NDE1: variants seen among roughly 807,000 people sequenced by gnomAD.
NDE1 encodes nudE neurodevelopment protein 1.
Under a neutral mutation model 43.4 loss-of-function variants are expected in NDE1, and 28 were observed. The observed-to-expected ratio is 0.65, with a 90% CI of 0.48 to 0.89. The LOEUF is 0.89. Among genes scored for constraint, NDE1 ranks in the 40% least tolerant of loss-of-function variants. The pLI, the probability that NDE1 is intolerant of heterozygous loss-of-function variation, is 0.00. For synonymous variants in NDE1, 184 were observed against 172.0 expected (o/e 1.07, Z -0.55); for missense variants, 441 against 434.1 (o/e 1.02, Z -0.14).
At chr16:15,679,899 C>T (rs1392525095) in intron 4 of NDE1, among the ~76,000 whole-genome samples, 1 of 152,194 alleles carries the variant, frequency 6.6e-6, no homozygotes. Flanking sequence ...CTGCCTCAAC[C>T]TCCGGAGTAG....
intron 3 of NDE1, among the ~76,000 whole-genome samples, chr16:15,674,566 C>T (rs189760413): frequency 2.6e-5 from 4 of 152,118 alleles, no homozygotes; most frequent in African/African-American, 9.6e-5. Flanking sequence ...GTTTTTAAAC[C>T]CAGAGATTGG....
upstream of NDE1, among the ~76,000 whole-genome samples, chr16:15,646,450 G>A (rs1345561437): frequency 1.3e-5 from 2 of 152,088 alleles, no homozygotes; most frequent in Non-Finnish European, 1.5e-5. Flanking sequence ...ACGTGGTGGT[G>A]CACACCTGAA....
chr16:15,715,300 T>A, intron 8 of NDE1: 1 of 1,611,960 alleles, frequency 6.2e-7, no homozygotes, highest in Non-Finnish European at 8.5e-7. Context: ...AACAGGTGGT[T>A]TCAGCGGAGG....
intron 8 of NDE1, among the ~76,000 whole-genome samples, chr16:15,709,339 G>C (rs539510999): frequency 1.3e-5 from 2 of 151,016 alleles, no homozygotes; most frequent in African/African-American, 4.9e-5. Flanking sequence ...GCAGTTTTTT[G>C]ATACTCTGTC....
chr16:15,711,309 T>C (rs1377211338), intron 8 of NDE1: 3 of 152,180 alleles, frequency 2.0e-5, no homozygotes, highest in South Asian at 2.1e-4. Context: ...TTCCAACTCT[T>C]TTTAAACAAG....
chr16:15,720,582 C>T (rs2040412814), intron 8 of NDE1, among the ~76,000 whole-genome samples: 1 of 149,896 alleles, frequency 6.7e-6, no homozygotes, highest in Non-Finnish European at 1.5e-5. Context: ...AACCTTGTCT[C>T]CACTGAAAAA....
chr16:15,715,767 C>T (rs768685661), intron 8 of NDE1, among the ~76,000 whole-genome samples: 6 of 152,284 alleles, frequency 3.9e-5, no homozygotes, highest in African/African-American at 1.2e-4. Context: ...CCACCTCAGC[C>T]TCCCAAGTAG....
intron 8 of NDE1, chr16:15,720,724 C>G: frequency 1.8e-6 from 2 of 1,116,690 alleles, no homozygotes; most frequent in Non-Finnish European, 2.6e-6. Context: ...CAGAGCGAGA[C>G]TCTGTTTCAA....
chr16:15,676,291 C>T (rs1370494852), intron 3 of NDE1, among the ~76,000 whole-genome samples: 2 of 133,320 alleles, frequency 1.5e-5, no homozygotes, highest in Non-Finnish European at 3.1e-5. Context: ...AGTGGTGCAA[C>T]CTCCGCCTCC....
intron 8 of NDE1, among the ~76,000 whole-genome samples, chr16:15,716,927 CT>C (rs2040182578): frequency 6.6e-6 from 1 of 152,228 alleles, no homozygotes; most frequent in African/African-American, 2.4e-5. Context: ...CTAAGAGCAG[CT>C]CACACTTTAG....
intron 1 of NDE1, among the ~76,000 whole-genome samples, chr16:15,644,153 G>A (rs914891140): frequency 6.6e-6 from 1 of 152,214 alleles, no homozygotes; most frequent in African/African-American, 2.4e-5. Flanking sequence ...CACGATTTAG[G>A]ATGTGCTAGC....
At chr16:15,693,059 G>A (rs970996541) in intron 6 of NDE1, among the ~76,000 whole-genome samples, 8 of 149,638 alleles carry the variant, frequency 5.3e-5, no homozygotes, top group South Asian at 2.1e-4. Context: ...GGAGTGCAGC[G>A]GCATTGATCT....
chr16:15,676,376 A>T (rs771407023), intron 3 of NDE1, among the ~76,000 whole-genome samples: 1 of 151,088 alleles, frequency 6.6e-6, no homozygotes, highest in Non-Finnish European at 1.5e-5. Flanking sequence ...CGCCTGGCTA[A>T]TTTTTTTGTA....
In NDE1 at chr16:15,724,627, C is replaced by G; in HGVS notation, c.*376C>G. ...AAGTTGAGAGGACCCATGAAGGAAGCAAGGACACGGGGCAGGCACCTGGAT... is the reference window on the plus strand; with the variant it reads ...AAGTTGAGAGGACCCATGAAGGAAGGAAGGACACGGGGCAGGCACCTGGAT... On this transcript the variant is annotated 3_prime_UTR_variant, in exon 9 of 9. Transcript: ENST00000396354. The G allele has an allele frequency of 1.9e-6, 3 of 1,613,600 alleles. No homozygotes were observed. The highest frequency in any genetic ancestry group is 2.2e-5 in the East Asian group (1 of 44,884).
intron 6 of NDE1, among the ~76,000 whole-genome samples, chr16:15,692,532 C>A (rs2038804485): frequency 6.6e-6 from 1 of 151,970 alleles, no homozygotes; most frequent in East Asian, 1.9e-4. Flanking sequence ...GCCTCAGCCT[C>A]CTGAGTAAGC....
rs2040701540 is a variant in NDE1, at chr16:15,725,349, G to C, written c.*1098G>C. On this transcript the variant is annotated 3_prime_UTR_variant, in exon 9 of 9. Transcript: ENST00000396354. Reference sequence around the variant, plus strand: ...ACAAAGCAGCAGGTCTGAGAGTCCAGACGAGGTGCTCTGGCTGGTCCACTC... The same window carrying C: ...ACAAAGCAGCAGGTCTGAGAGTCCACACGAGGTGCTCTGGCTGGTCCACTC... The C allele has an allele frequency of 1.8e-6, 1 of 559,736 alleles. No homozygotes were observed. The highest frequency in any genetic ancestry group is 2.3e-5 in the South Asian group (1 of 43,732). The allele number at this position is 559,736 out of a possible 1,614,324, so 34.7% of individuals were successfully genotyped here.
At chr16:15,714,704 C>T in intron 8 of NDE1, 2 of 660,370 alleles carry the variant, frequency 3.0e-6, no homozygotes, top group Non-Finnish European at 5.3e-6. Flanking sequence ...AGAAGGTTAG[C>T]TGCTACCAGG....
chr16:15,721,465 T>A lies in NDE1; in HGVS notation c.948-2726T>A, dbSNP rs1596721058. 2 of 1,614,204 alleles carry A rather than the reference T, an allele frequency of 1.2e-6. No individual in the cohort carries two copies. The highest frequency in any genetic ancestry group is 3.3e-5 in the Admixed American group (2 of 60,016). On this transcript the variant is annotated intron_variant, in intron 8 of 8. Coordinates refer to ENST00000396354, the MANE Select transcript of NDE1 (RefSeq NM_017668.3). ...CTTGGAGCTGACCAGGTCTTCCATT[T>A]CGGCTTTGAGCATTTTGTTGGTCCG...
intron 3 of NDE1, among the ~76,000 whole-genome samples, chr16:15,670,059 C>T (rs1215123920): frequency 1.3e-5 from 2 of 152,138 alleles, no homozygotes; most frequent in African/African-American, 4.8e-5. Context: ...CATAAACATC[C>T]GACAGGCCTG....
Sources: gnomAD v4.1 joint callset for allele counts (sites outside exome capture counted in the v4.1 genomes callset) on GRCh38, gnomAD v4.1.1 for gene constraint, MANE v1.5 for transcripts, NCBI Gene and HGNC (gene_info 2026-07-23, HGNC 2026-07-21) for gene names.